The following PRKN variants were observed in gnomAD, a reference collection of about 807,000 sequenced individuals.
PRKN encodes E3 ubiquitin-protein ligase parkin.
Under a neutral mutation model 59.5 loss-of-function variants are expected in PRKN, and 56 were observed. The ratio of observed to expected loss-of-function variants is 0.94; its 90% CI spans 0.76 to 1.18. The LOEUF (loss-of-function observed/expected upper bound fraction) is 1.18, where lower values mean the gene tolerates loss of function less well. PRKN is among the 50% of genes most tolerant of loss of function. PRKN has a pLI of 0.00. For missense variants in PRKN, 657 were observed against 596.4 expected (o/e 1.10, Z -1.06); for synonymous variants, 250 against 222.1 (o/e 1.13, Z -1.12).
At chr6:161,974,092 C>T (rs1250412024) in intron 5 of PRKN, among the ~76,000 whole-genome samples, 1 of 152,162 alleles carries the variant, frequency 6.6e-6, no homozygotes, top group South Asian at 2.1e-4. Flanking sequence ...TGTGGCGAAA[C>T]CCCATCTCTA....
chr6:161,738,310 T>C (rs1788048244), intron 7 of PRKN, among the ~76,000 whole-genome samples: 1 of 152,160 alleles, frequency 6.6e-6, no homozygotes, highest in Non-Finnish European at 1.5e-5. Flanking sequence ...CAGACGATTC[T>C]AGCATCGGAT....
At chr6:162,122,758 C>CTATCTATCTA (rs1049390497) in intron 4 of PRKN, among the ~76,000 whole-genome samples, 1 of 148,628 alleles carries the variant, frequency 6.7e-6, no homozygotes, top group African/African-American at 2.5e-5. Context: ...ATCTATCTAT[C>CTATCTATCTA]TCTGATATAT....
chr6:162,714,797 G>A (rs1778662604), intron 1 of PRKN, among the ~76,000 whole-genome samples: 1 of 152,106 alleles, frequency 6.6e-6, no homozygotes, highest in African/African-American at 2.4e-5. Flanking sequence ...AGCTAAAGGT[G>A]GAAAAGAGAC....
At chr6:161,939,892 T>C (rs911587123) in intron 6 of PRKN, among the ~76,000 whole-genome samples, 7 of 152,158 alleles carry the variant, frequency 4.6e-5, no homozygotes, top group African/African-American at 1.7e-4. Flanking sequence ...TACTAAATAA[T>C]GGAGTTATTC....
intron 5 of PRKN, among the ~76,000 whole-genome samples, chr6:162,007,249 A>G (rs1049072313): frequency 2.0e-5 from 3 of 152,164 alleles, no homozygotes; most frequent in African/African-American, 7.2e-5. Flanking sequence ...AATAACACAC[A>G]GTAAAAGATG....
In PRKN at chr6:161,401,704, C is replaced by T. The variant is rs1226196313; in HGVS notation, c.1084-14827G>A. Among the ~76,000 whole-genome samples, 2 of 152,148 alleles carry T rather than the reference C, an allele frequency of 1.3e-5. No individual in the cohort carries two copies. Among genetic ancestry groups the T allele is most frequent in the Non-Finnish European group, 2.9e-5 (2 of 68,030 alleles). ...ACTAATGACAGAAGCTGAAATAAAT[C>T]CCCCAAATGTCTTGAACACTTTCTA... is the stretch of plus-strand genomic sequence containing the variant. On this transcript the variant is annotated intron_variant, in intron 9 of 11. Transcript: ENST00000366898. This position sits in a 1 kb window ranked among gnomAD's most constrained non-coding sequence, Gnocchi z 4.4.
intron 4 of PRKN, among the ~76,000 whole-genome samples, chr6:162,079,181 G>A (rs1045307969): frequency 4.6e-5 from 7 of 152,106 alleles, no homozygotes; most frequent in African/African-American, 1.7e-4. Context: ...TGAGAACAAG[G>A]TCAAGTGGAA....
chr6:162,318,922 C>T (rs1168825094), intron 2 of PRKN, among the ~76,000 whole-genome samples: 3 of 151,848 alleles, frequency 2.0e-5, no homozygotes, highest in African/African-American at 4.8e-5. Flanking sequence ...ATAGAATAAA[C>T]GGTTAAGTGT....
At chr6:162,176,137 A>G (rs958760581) in intron 4 of PRKN, among the ~76,000 whole-genome samples, 2 of 152,166 alleles carry the variant, frequency 1.3e-5, no homozygotes, top group African/African-American at 4.8e-5. Context: ...ACTAAGCCTT[A>G]AAGTCCTATA....
At chr6:162,218,226 C>T (rs1386021484) in intron 3 of PRKN, among the ~76,000 whole-genome samples, 1 of 152,198 alleles carries the variant, frequency 6.6e-6, no homozygotes, top group African/African-American at 2.4e-5. Context: ...GGAAGCCCCT[C>T]TGGGGAAGGA....
chr6:162,543,377 A>G (rs1778997635), intron 1 of PRKN, among the ~76,000 whole-genome samples: 1 of 151,944 alleles, frequency 6.6e-6, no homozygotes, highest in Non-Finnish European at 1.5e-5. Context: ...TTCTCCTCCC[A>G]GTTCCACCCC....
At chr6:162,202,712 G>A (rs892051679) in intron 3 of PRKN, among the ~76,000 whole-genome samples, 1 of 152,132 alleles carries the variant, frequency 6.6e-6, no homozygotes, top group Non-Finnish European at 1.5e-5. Flanking sequence ...ATGTATTAAT[G>A]TTATAGAAAT....
At chr6:161,924,020 T>A (rs1215113009) in intron 6 of PRKN, among the ~76,000 whole-genome samples, 3 of 152,218 alleles carry the variant, frequency 2.0e-5, no homozygotes, top group Non-Finnish European at 4.4e-5. Context: ...TGGACTTGAA[T>A]CCAGGCTCTG....
At chr6:162,003,368 G>A (rs762858306) in intron 5 of PRKN, among the ~76,000 whole-genome samples, 5 of 152,090 alleles carry the variant, frequency 3.3e-5, no homozygotes, top group Non-Finnish European at 5.9e-5. Flanking sequence ...CTGAATTTTT[G>A]TATATTGTGT....
intron 9 of PRKN, among the ~76,000 whole-genome samples, chr6:161,415,902 G>A (rs1787828474): frequency 6.6e-6 from 1 of 151,980 alleles, no homozygotes; most frequent in South Asian, 2.1e-4. Flanking sequence ...CATGCCGTGG[G>A]CTTTCATCCT....
intron 7 of PRKN, among the ~76,000 whole-genome samples, chr6:161,636,408 G>C (rs1783523006): frequency 6.6e-6 from 1 of 152,230 alleles, no homozygotes; most frequent in South Asian, 2.1e-4. Flanking sequence ...CACTGGGCCG[G>C]ACCTCTGTGG....
intron 4 of PRKN, among the ~76,000 whole-genome samples, chr6:162,077,085 C>T (rs992628912): frequency 6.6e-6 from 1 of 152,038 alleles, no homozygotes; most frequent in Non-Finnish European, 1.5e-5. Flanking sequence ...GCTCAGATTC[C>T]CCAGACTACC....
intron 9 of PRKN, among the ~76,000 whole-genome samples, chr6:161,532,230 C>A (rs1387300577): frequency 6.6e-6 from 1 of 150,590 alleles, no homozygotes; most frequent in Admixed American, 6.6e-5. Flanking sequence ...ATGCTTCTTG[C>A]AGAAAAATTT....
chr6:162,405,564 A>G (rs1255078410), intron 2 of PRKN, among the ~76,000 whole-genome samples: 1 of 152,156 alleles, frequency 6.6e-6, no homozygotes, highest in Non-Finnish European at 1.5e-5. Context: ...TTTACATGCT[A>G]AAGCTCTAAA....
Sources: allele counts gnomAD v4.1 joint callset (sites outside exome capture counted in the v4.1 genomes callset), GRCh38; gene constraint gnomAD v4.1.1; non-coding constraint Gnocchi (gnomAD v3.1); transcripts MANE v1.5; gene names NCBI Gene and HGNC (gene_info 2026-07-23, HGNC 2026-07-21).